Variants in PURG observed in about 807,000 individuals in gnomAD.
The protein encoded by PURG is purine-rich element-binding protein gamma.
In PURG, 3 loss-of-function variants were observed where a neutral mutation model predicts 24.3. That is an observed-to-expected ratio of 0.12 (90% confidence interval 0.06 to 0.32). PURG has a LOEUF of 0.32. Among genes scored for constraint, PURG ranks in the 10% least tolerant of loss-of-function variants. PURG has a pLI of 1.00. For synonymous variants in PURG, 180 were observed against 173.1 expected (o/e 1.04, Z -0.31); for missense variants, 371 against 439.1 (o/e 0.84, Z 1.39).
intron 1 of PURG, among the ~76,000 whole-genome samples, chr8:31,017,394 TACTC>T (rs2129814749): frequency 6.8e-6 from 1 of 146,696 alleles, no homozygotes; most frequent in East Asian, 2.1e-4. Context: ...ATATTACACA[TACTC>T]TCTATAAGAG....
At chr8:31,006,449 C>T (rs1464610706) in intron 1 of PURG, among the ~76,000 whole-genome samples, 6 of 152,042 alleles carry the variant, frequency 3.9e-5, no homozygotes, top group East Asian at 1.9e-4. Flanking sequence ...TAAAAATTAG[C>T]GAGGCGTGGT....
chr8:31,006,672 T>C (rs1243637072), intron 1 of PURG, among the ~76,000 whole-genome samples: 1 of 152,198 alleles, frequency 6.6e-6, no homozygotes, highest in Non-Finnish European at 1.5e-5. Context: ...ATCTAAAACA[T>C]GTAATTTTAC....
downstream of PURG, among the ~76,000 whole-genome samples, chr8:31,026,844 TA>T (rs1406436336): frequency 1.1e-4 from 17 of 151,486 alleles, no homozygotes; most frequent in Non-Finnish European, 3.0e-5. Context: ...TTAAATGATT[TA>T]AAATAGCATG....
intron 1 of PURG, among the ~76,000 whole-genome samples, chr8:31,016,087 A>G (rs1299990254): frequency 6.6e-6 from 1 of 151,984 alleles, no homozygotes; most frequent in Non-Finnish European, 1.5e-5. Flanking sequence ...AAAAACATAC[A>G]AACAAACCAA....
intron 1 of PURG, among the ~76,000 whole-genome samples, chr8:31,021,598 C>T (rs375726394): frequency 7.2e-5 from 11 of 152,176 alleles, no homozygotes; most frequent in South Asian, 4.1e-4. Flanking sequence ...TGTATAGTGG[C>T]GGCTGGGGGT....
chr8:31,018,107 TTAAC>T (rs1292393714), intron 1 of PURG, among the ~76,000 whole-genome samples: 5 of 152,244 alleles, frequency 3.3e-5, no homozygotes, highest in Non-Finnish European at 7.3e-5. Flanking sequence ...TAAATTCTAT[TTAAC>T]TAGTCATTTA....
At chr8:31,003,703 A>G (rs1310648081) in intron 1 of PURG, among the ~76,000 whole-genome samples, 1 of 152,124 alleles carries the variant, frequency 6.6e-6, no homozygotes, top group Admixed American at 6.5e-5. Context: ...TGGAGGTTGC[A>G]ATGACCCGAG....
intron 1 of PURG, among the ~76,000 whole-genome samples, chr8:31,015,525 G>A (rs1270861777): frequency 1.3e-5 from 2 of 152,064 alleles, no homozygotes; most frequent in African/African-American, 4.8e-5. Context: ...GTCAACTTTT[G>A]AGACTGAAAG....
intron 1 of PURG, among the ~76,000 whole-genome samples, chr8:31,007,089 G>A (rs1157683617): frequency 6.6e-6 from 1 of 152,152 alleles, no homozygotes; most frequent in Non-Finnish European, 1.5e-5. Context: ...TAGTGACACT[G>A]AAGGACATTA....
Position 31,033,251 on chromosome 8 carries a change from G to A in PURG, c.-180C>T, listed in dbSNP as rs945436298. On this transcript the variant is annotated 5_prime_UTR_variant, in exon 1 of 2. Transcript: ENST00000523392. ...GCAGCCGGGCAGGGGCATCGCCCGC[G>A]GCGCCCACCGCAGCCGCCCCTCCTG... 1.2e-5 allele frequency: 2 copies of A among 170,576 alleles called. No individual in the cohort carries two copies. Among genetic ancestry groups the A allele is most frequent in the African/African-American group, 4.8e-5 (2 of 41,508 alleles). 10.6% of individuals were successfully genotyped at this position (170,576 alleles called of 1,614,324 possible). A position where few individuals can be genotyped will look rare whatever the true frequency, so the allele number is the denominator to read the frequency against.
Position 31,032,624 on chromosome 8 carries a change from G to A in PURG, c.159C>T (p.Gly53=), listed in dbSNP as rs148031716. 2.1e-5 allele frequency: 33 copies of A among 1,601,458 alleles called. No homozygotes were observed. Among genetic ancestry groups the A allele is most frequent in the Non-Finnish European group, 2.7e-5 (32 of 1,173,002 alleles). Residue 53 remains glycine, a synonymous_variant, in exon 2 of 2, where the codon GGC becomes GGT. Transcript: ENST00000523392. This position sits in a 1 kb window ranked among gnomAD's most constrained non-coding sequence, Gnocchi z 5.9. ...AASATPNQAG[G]AAEIQELASK... is the part of the protein sequence containing the mutation. The stretch of plus-strand genomic sequence containing the variant: ...AGGCCAGCTCCTGGATTTCGGCTGC[G>A]CCCCCGGCCTGATTAGGGGTGGCTG...
intron 1 of PURG, among the ~76,000 whole-genome samples, chr8:31,018,915 C>T (rs1349384260): frequency 2.0e-5 from 3 of 150,914 alleles, no homozygotes; most frequent in African/African-American, 7.3e-5. Flanking sequence ...ATCACGAGGT[C>T]AGGAGATCGA....
chr8:31,032,664 G>A lies in PURG; in HGVS notation c.119C>T (p.Pro40Leu), dbSNP rs1234316993. The change falls in exon 2 of 2, where the codon CCC (proline) becomes CTC (leucine). Residue 40 changes from proline (P) to leucine (L), a missense_variant. Around this residue, in one of 5 missense-constraint regions of PURG, gnomAD observed 213 missense variants for 230.6 expected, o/e 0.92. Transcript: ENST00000523392. This position sits in a 1 kb window ranked among gnomAD's most constrained non-coding sequence, Gnocchi z 5.9. Reference protein sequence around the residue: ...LYPQAQHSHYPHYAASATPNQ... With the variant: ...LYPQAQHSHYLHYAASATPNQ... ...AGGGGTGGCTGAGGCCGCGTAGTGGGGGTAGTGGGAGTGCTGGGCCTGGGG... is the reference window on the plus strand; with the variant it reads ...AGGGGTGGCTGAGGCCGCGTAGTGGAGGTAGTGGGAGTGCTGGGCCTGGGG... 1 of 1,563,142 alleles carries A rather than the reference G, an allele frequency of 6.4e-7. No homozygotes were observed. Among genetic ancestry groups the A allele is most frequent in the Admixed American group, 1.8e-5 (1 of 54,598 alleles).
At chr8:30,998,336 G>T (rs1016918638) in intron 1 of PURG, among the ~76,000 whole-genome samples, 3 of 151,732 alleles carry the variant, frequency 2.0e-5, no homozygotes, top group Admixed American at 2.0e-4. Flanking sequence ...AGAAAAACAT[G>T]TAACTAGGAT....
intron 1 of PURG, among the ~76,000 whole-genome samples, chr8:31,010,041 G>A (rs1459273263): frequency 6.6e-6 from 1 of 151,946 alleles, no homozygotes; most frequent in Non-Finnish European, 1.5e-5. Context: ...AGGCTGCAGT[G>A]AGCCGTCACT....
In PURG at chr8:31,006,911, T is replaced by C. The variant is rs571627227; in HGVS notation, c.865-10214A>G. On this transcript the variant is annotated intron_variant, in intron 1 of 1. Coordinates refer to the PURG transcript ENST00000339382. ...AGGAAAAGCATAGGCACATACTTAG[T>C]TTTTTTTAAAAAGCTCTGAAACTCC... is the stretch of plus-strand genomic sequence containing the variant. 4.6e-5 allele frequency among the ~76,000 whole-genome samples: 7 copies of C among 152,238 alleles called. No individual in the cohort carries two copies. The East Asian group carries it at 1.3e-3, about 29-fold the overall frequency.
In PURG at chr8:31,018,445, G is replaced by A. The variant is rs181970071; in HGVS notation, c.864+13474C>T. ...TTAATTCCAGGAGCAGAGAAGTCAT[G>A]CAATCCTTAAAGTTTGCCCTAATGT... On this transcript the variant is annotated intron_variant, in intron 1 of 1. Coordinates refer to the PURG transcript ENST00000339382. 1.0e-3 allele frequency among the ~76,000 whole-genome samples: 156 copies of A among 152,290 alleles called. 1 individual carries two copies. The highest frequency in any genetic ancestry group is 9.6e-4 in the East Asian group (5 of 5,186).
At chr8:31,030,637 A>G (rs1447208688), downstream of PURG, among the ~76,000 whole-genome samples, 1 of 151,918 alleles carries the variant, frequency 6.6e-6, no homozygotes, top group Non-Finnish European at 1.5e-5. Context: ...TTTGTATTCT[A>G]AATTATTTTT....
chr8:31,001,255 A>G (rs1444692531), intron 1 of PURG, among the ~76,000 whole-genome samples: 1 of 152,224 alleles, frequency 6.6e-6, no homozygotes, highest in African/African-American at 2.4e-5. Context: ...CCCTGGTAAT[A>G]GTCCTATATC....
Sources: allele counts gnomAD v4.1 joint callset (sites outside exome capture counted in the v4.1 genomes callset), GRCh38; gene constraint gnomAD v4.1.1; regional missense constraint gnomAD v4.1.1; non-coding constraint Gnocchi (gnomAD v3.1); transcripts MANE v1.5; gene names NCBI Gene and HGNC (gene_info 2026-07-23, HGNC 2026-07-21).